JMJD1C: variants seen among roughly 807,000 people sequenced by gnomAD.
JMJD1C encodes jumonji domain-containing protein 1C.
In JMJD1C, 31 loss-of-function variants were observed where a neutral mutation model predicts 245.3. That is an observed-to-expected ratio of 0.13 (90% CI 0.09 to 0.17). The LOEUF is 0.17. JMJD1C is among the 10% of genes least tolerant of loss of function. The pLI is 1.00. For synonymous variants in JMJD1C, 1,057 were observed against 1,017.4 expected (o/e 1.04, Z -0.74); for missense variants, 2,691 against 3,000.2 (o/e 0.90, Z 2.41).
rs370649422 is a variant in JMJD1C at position 63,209,068 on chromosome 10, A to G, written c.2862T>C (p.His954=). The change falls in exon 9 of 26, where the codon CAT becomes CAC. Residue 954 remains histidine, a synonymous_variant. Transcript: ENST00000399262. ...PPLTKTLVDH[H]KEELERKAFM... ...TTAAGCACTGGTGAACTTACTCCTTATGATGATCTACTAAAGTTTTTGTCA... is the reference window on the plus strand; with the variant it reads ...TTAAGCACTGGTGAACTTACTCCTTGTGATGATCTACTAAAGTTTTTGTCA... 9.4e-5 allele frequency: 152 copies of G among 1,611,812 alleles called. No individual in the cohort carries two copies. The highest frequency in any genetic ancestry group is 1.6e-4 in the Middle Eastern group (1 of 6,066).
At position 63,263,979 on chromosome 10, in the gene JMJD1C, C is replaced by CAT. The variant is rs1342515027; in HGVS notation, c.447+671_447+672insAT. Among the ~76,000 whole-genome samples, 2 of 130,576 alleles carry CAT rather than the reference C, an allele frequency of 1.5e-5. 1 individual carries two copies. The highest frequency in any genetic ancestry group is 5.9e-5 in the African/African-American group (2 of 33,992). The allele number at this position is 130,576 out of a possible 152,430, so 85.7% of individuals were successfully genotyped here. On this transcript the variant is annotated intron_variant, in intron 3 of 25. Transcript: ENST00000399262. ...ACACATACACACACACACACACACA[C>CAT]ACACACACACACACACACACACACA...
chr10:63,468,544 G>A (rs1953390085), upstream of JMJD1C, among the ~76,000 whole-genome samples: 1 of 152,016 alleles, frequency 6.6e-6, no homozygotes, highest in Non-Finnish European at 1.5e-5. Context: ...AAAGATACTC[G>A]GAAACAGAAG....
intron 2 of JMJD1C, among the ~76,000 whole-genome samples, chr10:63,271,478 G>A (rs1239902513): frequency 6.6e-6 from 1 of 152,016 alleles, no homozygotes; most frequent in Non-Finnish European, 1.5e-5. Flanking sequence ...ATGCCCGGAT[G>A]TAAATAGTCT....
intron 1 of JMJD1C, among the ~76,000 whole-genome samples, chr10:63,415,092 T>C (rs982419481): frequency 1.3e-5 from 2 of 152,208 alleles, no homozygotes; most frequent in African/African-American, 4.8e-5. Flanking sequence ...CCACTGACTC[T>C]GGAAGTGACT....
chr10:63,350,550 A>T (rs1033050694), intron 2 of JMJD1C, among the ~76,000 whole-genome samples: 2 of 152,152 alleles, frequency 1.3e-5, no homozygotes, highest in African/African-American at 4.8e-5. Context: ...AGAGATATGA[A>T]AATAGAATTA....
chr10:63,169,798 C>T (rs1158826710), intron 24 of JMJD1C, among the ~76,000 whole-genome samples: 1 of 152,200 alleles, frequency 6.6e-6, no homozygotes, highest in Admixed American at 6.5e-5. Context: ...ACTGGCTCTT[C>T]ATAATGTGTC....
chr10:63,418,980 G>A (rs920480935), intron 1 of JMJD1C, among the ~76,000 whole-genome samples: 2 of 151,634 alleles, frequency 1.3e-5, no homozygotes, highest in African/African-American at 4.9e-5. Context: ...AGAAGGCTGA[G>A]GCAGGAGAAT....
At chr10:63,257,437 C>T (rs952440554) in intron 3 of JMJD1C, among the ~76,000 whole-genome samples, 3 of 152,032 alleles carry the variant, frequency 2.0e-5, no homozygotes, top group African/African-American at 2.4e-5. Flanking sequence ...GGGCTTGATT[C>T]GTTTAATGTT....
intron 2 of JMJD1C, among the ~76,000 whole-genome samples, chr10:63,358,199 T>C (rs139061991): frequency 3.3e-5 from 5 of 152,300 alleles, no homozygotes; most frequent in African/African-American, 4.8e-5. Context: ...TCATCTATTT[T>C]AGGATACGAA....
At chr10:63,499,431 A>G (rs916065066) in intron 1 of JMJD1C, among the ~76,000 whole-genome samples, 3 of 152,286 alleles carry the variant, frequency 2.0e-5, no homozygotes, top group East Asian at 3.9e-4. Context: ...GCCTTTGGTG[A>G]CCTGCCTTTA....
chr10:63,338,521 A>C (rs1943056425), intron 2 of JMJD1C, among the ~76,000 whole-genome samples: 1 of 152,168 alleles, frequency 6.6e-6, no homozygotes, highest in South Asian at 2.1e-4. Context: ...GGCACCGCTA[A>C]GATAGACCTA....
intron 2 of JMJD1C, among the ~76,000 whole-genome samples, chr10:63,308,719 A>C (rs1460002730): frequency 1.3e-5 from 2 of 151,052 alleles, no homozygotes; most frequent in South Asian, 4.2e-4. Flanking sequence ...AAGCCAAAAA[A>C]TAAAATTGAA....
chr10:63,249,880 GA>G (rs1329098831), intron 3 of JMJD1C, among the ~76,000 whole-genome samples: 3 of 150,844 alleles, frequency 2.0e-5, no homozygotes, highest in Non-Finnish European at 3.0e-5. Context: ...AAAGAAAAAA[GA>G]AAAAGACAAG....
At chr10:63,373,546 A>G (rs1946480949) in intron 2 of JMJD1C, among the ~76,000 whole-genome samples, 1 of 152,236 alleles carries the variant, frequency 6.6e-6, no homozygotes, top group South Asian at 2.1e-4. Flanking sequence ...GATATGTAAT[A>G]TTAAACAAGT....
At chr10:63,170,935 A>C (rs186766281) in intron 24 of JMJD1C, among the ~76,000 whole-genome samples, 53 of 152,306 alleles carry the variant, frequency 3.5e-4, no homozygotes, top group African/African-American at 1.2e-3. Flanking sequence ...TATAATTATA[A>C]ATAGGTAATG....
chr10:63,187,479 C>T (rs1844264899), intron 18 of JMJD1C, among the ~76,000 whole-genome samples: 1 of 152,068 alleles, frequency 6.6e-6, no homozygotes, highest in South Asian at 2.1e-4. Context: ...ACTTTGTTGC[C>T]CAGGCTGAAG....
chr10:63,501,714 T>C (rs1276366757), intron 1 of JMJD1C, among the ~76,000 whole-genome samples: 3 of 151,942 alleles, frequency 2.0e-5, no homozygotes, highest in Non-Finnish European at 4.4e-5. Flanking sequence ...AGGCGGTGCT[T>C]GCAGTGAGCC....
chr10:63,347,118 T>C (rs1943895283), intron 2 of JMJD1C, among the ~76,000 whole-genome samples: 1 of 145,424 alleles, frequency 6.9e-6, no homozygotes. Flanking sequence ...TCACCCAGGC[T>C]GGAGTAGTGT....
intron 10 of JMJD1C, chr10:63,202,659 T>A: frequency 1.0e-6 from 1 of 985,444 alleles, no homozygotes; most frequent in Non-Finnish European, 1.2e-6. Flanking sequence ...CTTAATCCAC[T>A]AGAGAAACAC....
Sources: allele counts gnomAD v4.1 joint callset (sites outside exome capture counted in the v4.1 genomes callset), GRCh38; gene constraint gnomAD v4.1.1; transcripts MANE v1.5; gene names NCBI Gene and HGNC (gene_info 2026-07-23, HGNC 2026-07-21).